Variants in NRG3 observed in about 807,000 individuals in gnomAD.
The protein encoded by NRG3 is pro-neuregulin-3, membrane-bound isoform.
A neutral mutation model predicts 66.9 loss-of-function variants in NRG3; 31 were observed. That is an observed-to-expected ratio of 0.46 (90% CI 0.35 to 0.63). The LOEUF is 0.63. NRG3 is among the 20% of genes least tolerant of loss of function. The pLI is 0.00. For synonymous variants in NRG3, 393 were observed against 359.4 expected (o/e 1.09, Z -1.06); for missense variants, 910 against 878.9 (o/e 1.04, Z -0.45).
chr10:82,646,950 T>G (rs1175406904), intron 2 of NRG3, among the ~76,000 whole-genome samples: 1 of 150,434 alleles, frequency 6.6e-6, no homozygotes, highest in Non-Finnish European at 1.5e-5. Flanking sequence ...CTTTTGCATT[T>G]CTTTTTTTTT....
chr10:82,875,926 C>A (rs1454300348), intron 4 of NRG3, among the ~76,000 whole-genome samples: 1 of 152,142 alleles, frequency 6.6e-6, no homozygotes, highest in Non-Finnish European at 1.5e-5. Flanking sequence ...CAAATAAATT[C>A]AATTCTGAGA....
intron 3 of NRG3, among the ~76,000 whole-genome samples, chr10:82,782,050 C>T (rs1224505685): frequency 2.0e-5 from 3 of 152,100 alleles, no homozygotes; most frequent in South Asian, 2.1e-4. Context: ...CTTTTTCCAC[C>T]TTGAAGACTA....
chr10:82,361,138 T>C (rs2084112959), intron 2 of NRG3, among the ~76,000 whole-genome samples: 1 of 152,244 alleles, frequency 6.6e-6, no homozygotes, highest in African/African-American at 2.4e-5. Context: ...AATCCTTTGC[T>C]TTTGTGAGAT....
chr10:82,979,168 C>T (rs2132648278), intron 8 of NRG3, 48 bp downstream of exon 8: 3 of 1,571,546 alleles, frequency 1.9e-6, no homozygotes, highest in Middle Eastern at 1.7e-4. Flanking sequence ...TCTTTAATGC[C>T]ATAGCTTTAA....
chr10:82,011,903 C>G (rs1335085805), intron 1 of NRG3, among the ~76,000 whole-genome samples: 1 of 152,092 alleles, frequency 6.6e-6, no homozygotes, highest in Non-Finnish European at 1.5e-5. Context: ...GTGTCTGTGT[C>G]TTTTCCAGAT....
At chr10:82,338,588 G>A (rs901247098) in intron 1 of NRG3, among the ~76,000 whole-genome samples, 2 of 152,144 alleles carry the variant, frequency 1.3e-5, no homozygotes, top group Non-Finnish European at 2.9e-5. Flanking sequence ...ATGATAGATT[G>A]TTAAATAAAT....
rs553129317 is a variant in NRG3 at position 82,349,609 on chromosome 10, G to A, written c.824-9130G>A. 4.0e-4 allele frequency among the ~76,000 whole-genome samples: 60 copies of A among 148,310 alleles called. No individual in the cohort carries two copies. The East Asian group carries it at 5.7e-3, about 14-fold the overall frequency. ...GGGCTCCACCCAGTTCGAGCTTCCC[G>A]GCTGCTTTGTTTACCTAAGCAAGCC... On this transcript the variant is annotated intron_variant, in intron 1 of 8. Transcript: ENST00000372141.
At chr10:82,919,475 T>C (rs1846209661) in intron 4 of NRG3, among the ~76,000 whole-genome samples, 2 of 151,936 alleles carry the variant, frequency 1.3e-5, no homozygotes, top group African/African-American at 4.8e-5. Flanking sequence ...GATGATAGAG[T>C]CTATGCATCC....
At chr10:82,279,656 C>T (rs1440410324) in intron 1 of NRG3, among the ~76,000 whole-genome samples, 1 of 152,130 alleles carries the variant, frequency 6.6e-6, no homozygotes, top group Non-Finnish European at 1.5e-5. Context: ...ACAACGAACA[C>T]GGAGTGAAAG....
chr10:82,280,537 A>G (rs915615632), intron 1 of NRG3, among the ~76,000 whole-genome samples: 1 of 152,184 alleles, frequency 6.6e-6, no homozygotes, highest in Non-Finnish European at 1.5e-5. Context: ...TTAGAACATG[A>G]CTGAAGATGA....
intron 2 of NRG3, among the ~76,000 whole-genome samples, chr10:82,554,354 C>T (rs1165078665): frequency 6.6e-6 from 1 of 152,144 alleles, no homozygotes; most frequent in Non-Finnish European, 1.5e-5. Context: ...GATCATTACA[C>T]AGCATATACC....
intron 1 of NRG3, among the ~76,000 whole-genome samples, chr10:82,329,962 G>A (rs11193758): frequency 0.015 from 2,338 of 152,148 alleles, 52 homozygotes; most frequent in African/African-American, 0.052. Flanking sequence ...TAGCCTCTGC[G>A]GTCTGCCTGA....
chr10:81,911,603 G>GTTTT lies in NRG3; in HGVS notation c.823+35463_823+35466dup, dbSNP rs796518872. The stretch of plus-strand genomic sequence containing the variant: ...TGTCTTCACCCTCTAGCACAGACTT[G>GTTTT]TTTTTTTTTTTTTTTTTTTTTTTTT... On this transcript the variant is annotated intron_variant, in intron 1 of 8. Transcript: ENST00000372141. 1.1e-3 allele frequency among the ~76,000 whole-genome samples: 82 copies of GTTTT among 77,962 alleles called. 5 individuals carry two copies. The South Asian group carries it at 0.013, about 13-fold the overall frequency. 51.1% of individuals were successfully genotyped at this position (77,962 alleles called of 152,430 possible).
chr10:82,449,903 G>A (rs768194619), intron 2 of NRG3, among the ~76,000 whole-genome samples: 1 of 152,174 alleles, frequency 6.6e-6, no homozygotes, highest in African/African-American at 2.4e-5. Flanking sequence ...GATAGCAGAA[G>A]ACTATGGGTG....
In NRG3 at chr10:82,985,453, T is replaced by C. The variant is rs775642534; in HGVS notation, c.1939T>C (p.Ser647Pro). Residue 647 changes from serine (S) to proline (P), a missense_variant, in exon 9 of 9, where the codon TCA becomes CCA. Ser to Pro is a moderately conservative substitution (Grantham distance 74). Coordinates refer to ENST00000372141, the MANE Select transcript of NRG3 (RefSeq NM_001010848.4). The part of the protein sequence containing the change: ...QIRILTDARR[S>P]EDYELASVET... Reference sequence around the variant, plus strand: ...CCGAATTCTGACTGATGCCAGACGGTCAGAAGACTACGAACTGGCCAGCGT... The same window carrying C: ...CCGAATTCTGACTGATGCCAGACGGCCAGAAGACTACGAACTGGCCAGCGT... The C allele has an allele frequency of 1.2e-6, 2 of 1,613,930 alleles. No homozygotes were observed. The highest frequency in any genetic ancestry group is 1.7e-5 in the Admixed American group (1 of 59,982).
In NRG3 at chr10:81,876,108, TTCTTCCTCC is replaced by T; in HGVS notation, c.771_779del (p.Ser258_Ser260del). 4 of 1,611,008 alleles carry T rather than the reference TTCTTCCTCC, an allele frequency of 2.5e-6. No homozygotes were observed. Among genetic ancestry groups the T allele is most frequent in the Non-Finnish European group, 3.4e-6 (4 of 1,178,840 alleles). The stretch of plus-strand genomic sequence containing the variant: ...AGGATGCTGCCTCCTCTTCTTCCTC[TTCTTCCTCC>T]TCCGCTACCACCACCACACCAGAAA... On this transcript the variant is annotated inframe_deletion, in exon 1 of 9. Coordinates refer to ENST00000372141, the MANE Select transcript of NRG3 (RefSeq NM_001010848.4).
chr10:82,387,595 C>A (rs1029186893), intron 2 of NRG3, among the ~76,000 whole-genome samples: 1 of 152,104 alleles, frequency 6.6e-6, no homozygotes, highest in Non-Finnish European at 1.5e-5. Context: ...AATAGATGAA[C>A]CCTCATGTTA....
chr10:82,007,211 CTTT>C (rs34146080), intron 1 of NRG3, among the ~76,000 whole-genome samples: 3 of 130,516 alleles, frequency 2.3e-5, no homozygotes, highest in African/African-American at 5.7e-5. Context: ...TTTTTCTTTT[CTTT>C]TTTTTTTTTT....
At chr10:82,954,189 A>G (rs984473781) in intron 5 of NRG3, among the ~76,000 whole-genome samples, 2 of 151,936 alleles carry the variant, frequency 1.3e-5, no homozygotes, top group African/African-American at 4.9e-5. Context: ...CAAGAAAGAA[A>G]TTCCTTACTT....
Sources: allele counts gnomAD v4.1 joint callset (sites outside exome capture counted in the v4.1 genomes callset), GRCh38; gene constraint gnomAD v4.1.1; transcripts MANE v1.5; gene names NCBI Gene and HGNC (gene_info 2026-07-23, HGNC 2026-07-21).